The following ZSCAN25 variants were observed in gnomAD, a reference collection of about 807,000 sequenced individuals.
ZSCAN25 encodes zinc finger and SCAN domain-containing protein 25.
A neutral mutation model predicts 38.7 loss-of-function variants in ZSCAN25; 27 were observed. The observed-to-expected ratio is 0.70, with a 90% CI of 0.51 to 0.96. The LOEUF is 0.96. ZSCAN25 is among the 40% of genes least tolerant of loss of function. ZSCAN25 has a pLI of 0.00. For synonymous variants in ZSCAN25, 273 were observed against 277.7 expected (o/e 0.98, Z 0.17); for missense variants, 637 against 705.9 (o/e 0.90, Z 1.11).
the ZSCAN25 span, among the ~76,000 whole-genome samples, chr7:99,698,128 A>C: frequency 6.6e-5 from 10 of 152,146 alleles, no homozygotes. Flanking sequence ...CTAACAGAAA[A>C]GCCAGTCATC....
At chr7:99,647,996 A>G in the ZSCAN25 span, 14 of 985,426 alleles carry the variant, frequency 1.4e-5, no homozygotes, top group Non-Finnish European at 1.7e-5. Flanking sequence ...AGAAATATTT[A>G]TTCTCTGATG....
At chr7:99,665,891 T>C in the ZSCAN25 span, among the ~76,000 whole-genome samples, 8 of 152,196 alleles carry the variant, frequency 5.3e-5, no homozygotes, top group Admixed American at 3.9e-4. Context: ...AGCAGAGTCA[T>C]TTTTGTAAGA....
At position 99,630,540 on chromosome 7, in the gene ZSCAN25, T is replaced by C; in HGVS notation, c.*520T>C. The C allele has an allele frequency of 1.0e-6, 1 of 989,466 alleles. No individual in the cohort carries two copies. Among genetic ancestry groups the C allele is most frequent in the Non-Finnish European group, 1.2e-6 (1 of 832,688 alleles). 61.3% of individuals were successfully genotyped at this position (989,466 alleles called of 1,614,324 possible). A position where few individuals can be genotyped will look rare whatever the true frequency, so the allele number is the denominator to read the frequency against. On this transcript the variant is annotated 3_prime_UTR_variant, in exon 8 of 8. Transcript: ENST00000394152. ...GCCTCTGGGGGTTGTGCGTTGGGGA[T>C]GCATGCGACAGCCCATGACCCGAGG...
downstream of ZSCAN25, among the ~76,000 whole-genome samples, chr7:99,632,928 T>C (rs995163586): frequency 2.0e-5 from 3 of 152,232 alleles, no homozygotes; most frequent in Admixed American, 2.0e-4. Context: ...TTGAGATTTA[T>C]TCATTTTAAA....
the ZSCAN25 span, chr7:99,705,726 A>G: frequency 8.8e-7 from 1 of 1,131,776 alleles, no homozygotes; most frequent in East Asian, 2.7e-5. Context: ...AGCACTATAA[A>G]TCTTGGATTC....
the ZSCAN25 span, among the ~76,000 whole-genome samples, chr7:99,723,710 C>T: frequency 6.6e-6 from 1 of 152,174 alleles, no homozygotes; most frequent in African/African-American, 2.4e-5. Flanking sequence ...AATTTTAAAT[C>T]GGGTAAGCGG....
the ZSCAN25 span, chr7:99,652,899 A>G: frequency 4.1e-6 from 3 of 731,762 alleles, no homozygotes; most frequent in Non-Finnish European, 4.5e-6. Context: ...GTAAATGATC[A>G]TAGTATTCGT....
the ZSCAN25 span, among the ~76,000 whole-genome samples, chr7:99,691,283 G>A: frequency 6.6e-6 from 1 of 151,868 alleles, no homozygotes; most frequent in Admixed American, 6.6e-5. Context: ...TCACACTCCG[G>A]GGACTGTTGT....
the ZSCAN25 span, among the ~76,000 whole-genome samples, chr7:99,664,778 A>T: frequency 1.3e-5 from 2 of 152,250 alleles, no homozygotes; most frequent in Non-Finnish European, 2.9e-5. Flanking sequence ...TAAAAGAAGA[A>T]GAGCAAATGA....
At chr7:99,647,093 T>C in the ZSCAN25 span, among the ~76,000 whole-genome samples, 16 of 152,350 alleles carry the variant, frequency 1.1e-4, no homozygotes, top group Non-Finnish European at 1.8e-4. Context: ...ATCCCTTCTA[T>C]GTAGCCAACT....
chr7:99,661,216 A>T, the ZSCAN25 span, among the ~76,000 whole-genome samples: 5 of 152,198 alleles, frequency 3.3e-5, no homozygotes. Context: ...TGTTTCATGG[A>T]CCAGCAGCAC....
At chr7:99,697,752 C>A in the ZSCAN25 span, among the ~76,000 whole-genome samples, 1 of 152,168 alleles carries the variant, frequency 6.6e-6, no homozygotes, top group Non-Finnish European at 1.5e-5. Flanking sequence ...GAGATCCCAG[C>A]AGAGGCAGCA....
chr7:99,660,529 T>C, the ZSCAN25 span: 1 of 1,613,626 alleles, frequency 6.2e-7, no homozygotes. Context: ...CAATCTCCTT[T>C]TGCAGTTTCT....
At position 99,621,443 on chromosome 7, in the gene ZSCAN25, A is replaced by C. The variant is rs775160828; in HGVS notation, c.458A>C (p.Gln153Pro). Residue 153 changes from glutamine (Q) to proline (P), a missense_variant, in exon 5 of 8, where the codon CAG becomes CCG. Physicochemically the swap from Gln to Pro is moderately conservative, Grantham distance 76. Coordinates refer to ENST00000394152, the MANE Select transcript of ZSCAN25 (RefSeq NM_145115.3). The part of the protein sequence containing the change: ...LCRGAWEPGI[Q>P]LGPVEVKPEW... The stretch of plus-strand genomic sequence containing the variant: ...AGAGGCGCTTGGGAGCCAGGCATCC[A>C]GCTGGGGCCAGTGGAGGTCAAGCCT... 2.6e-6 allele frequency: 4 copies of C among 1,550,128 alleles called. No homozygotes were observed. The highest frequency in any genetic ancestry group is 3.5e-6 in the Non-Finnish European group (4 of 1,143,280).
At chr7:99,681,794 C>G in the ZSCAN25 span, among the ~76,000 whole-genome samples, 1 of 152,120 alleles carries the variant, frequency 6.6e-6, no homozygotes, top group Non-Finnish European at 1.5e-5. Context: ...CTTTGTGGTA[C>G]AGAAGCTTTT....
the ZSCAN25 span, chr7:99,735,041 C>G: frequency 1.2e-6 from 2 of 1,614,110 alleles, no homozygotes; most frequent in Non-Finnish European, 1.7e-6. Context: ...GAGTATCAGG[C>G]TGACAGCCAG....
At chr7:99,737,184 G>A in the ZSCAN25 span, among the ~76,000 whole-genome samples, 3 of 152,140 alleles carry the variant, frequency 2.0e-5, no homozygotes, top group Non-Finnish European at 4.4e-5. Flanking sequence ...TGTAGAAACT[G>A]AGGCTCAGTG....
chr7:99,673,628 A>G, the ZSCAN25 span, among the ~76,000 whole-genome samples: 2 of 152,218 alleles, frequency 1.3e-5, no homozygotes, highest in Admixed American at 6.5e-5. Context: ...CTGTTTCTCT[A>G]TTATCTCTCA....
the ZSCAN25 span, among the ~76,000 whole-genome samples, chr7:99,685,593 G>A: frequency 5.3e-5 from 8 of 152,186 alleles, no homozygotes; most frequent in African/African-American, 1.9e-4. Context: ...TGATAGTTGT[G>A]TTATCAGGCA....
Sources: allele counts gnomAD v4.1 joint callset (sites outside exome capture counted in the v4.1 genomes callset), GRCh38; gene constraint gnomAD v4.1.1; transcripts MANE v1.5; gene names NCBI Gene and HGNC (gene_info 2026-07-23, HGNC 2026-07-21).